CBLN2: variants seen among roughly 807,000 people sequenced by gnomAD.
CBLN2 encodes the protein cerebellin 2 precursor, also known as cerebellin-2.
A neutral mutation model predicts 15.0 loss-of-function variants in CBLN2; 7 were observed. The ratio of observed to expected loss-of-function variants is 0.47; its 90% CI spans 0.27 to 0.88. The LOEUF (loss-of-function observed/expected upper bound fraction) is 0.88, where lower values mean the gene tolerates loss of function less well. CBLN2 is among the 40% of genes least tolerant of loss of function. The pLI, the probability that CBLN2 is intolerant of heterozygous loss-of-function variation, is 0.14. For synonymous variants in CBLN2, 149 were observed against 135.2 expected, an observed-to-expected ratio of 1.10 and a Z score of -0.71; for missense variants, 242 against 304.5, an observed-to-expected ratio of 0.79 and a Z score of 1.53.
rs374661340 is a variant in CBLN2 at position 72,619,339 on chromosome 18, G to A, written c.15+18986C>T. The A allele has an allele frequency of 4.1e-3, 2,190 of 537,370 alleles. 71 individuals are homozygous for A. The highest frequency in any genetic ancestry group is 0.032 in the South Asian group (2,074 of 65,508). 33.3% of individuals were successfully genotyped at this position (537,370 alleles called of 1,614,324 possible). On this transcript the variant is annotated intron_variant, in intron 1 of 2. Transcript: ENST00000581073. ...AGCACAGTGGTGGCAGGGCCTAGCT[G>A]CTACAAAGAAGCCATGTTTTTGACA... is the stretch of plus-strand genomic sequence containing the variant.
chr18:72,569,044 C>A (rs1387676236), intron 1 of CBLN2, among the ~76,000 whole-genome samples: 2 of 152,126 alleles, frequency 1.3e-5, no homozygotes, highest in Non-Finnish European at 2.9e-5. Context: ...CTTGTTAATG[C>A]AGACATTCAT....
intron 1 of CBLN2, among the ~76,000 whole-genome samples, chr18:72,635,807 T>G (rs1197015082): frequency 6.6e-6 from 1 of 152,160 alleles, no homozygotes; most frequent in East Asian, 1.9e-4. Context: ...TATCAAACCA[T>G]ACTTAATTCC....
chr18:72,619,159 A>G (rs1991719), intron 1 of CBLN2: 113,779 of 763,980 alleles, frequency 0.15, 12,825 homozygotes, highest in African/African-American at 0.45. Flanking sequence ...GCCAAACCAC[A>G]AAACCAAGGT....
chr18:72,538,623 C>A (rs201620299), intron 4 of CBLN2, 30 bp downstream of exon 4: 1 of 1,612,492 alleles, frequency 6.2e-7, no homozygotes, highest in Admixed American at 1.7e-5. Context: ...TAACTCAAAC[C>A]TGAAAGGATC....
At chr18:72,548,291 C>T (rs549585254), upstream of CBLN2, among the ~76,000 whole-genome samples, 23 of 152,314 alleles carry the variant, frequency 1.5e-4, no homozygotes, top group African/African-American at 5.3e-4. Flanking sequence ...AAATGTAACT[C>T]AAATATTGCC....
At chr18:72,609,344 A>C (rs1443084905) in intron 1 of CBLN2, among the ~76,000 whole-genome samples, 1 of 152,104 alleles carries the variant, frequency 6.6e-6, no homozygotes, top group Non-Finnish European at 1.5e-5. Context: ...AGGGGTGGTC[A>C]CTAAAGCAAC....
At chr18:72,597,144 C>G (rs1172287289) in intron 1 of CBLN2, among the ~76,000 whole-genome samples, 1 of 152,160 alleles carries the variant, frequency 6.6e-6, no homozygotes, top group Non-Finnish European at 1.5e-5. Flanking sequence ...GTCTTTGCAA[C>G]CTGGGCTTGT....
At chr18:72,559,388 A>C (rs145765392) in intron 1 of CBLN2, among the ~76,000 whole-genome samples, 1 of 152,308 alleles carries the variant, frequency 6.6e-6, no homozygotes, top group South Asian at 2.1e-4. Flanking sequence ...TCCCTAACCT[A>C]TTAGGGGCTT....
At position 72,541,903 on chromosome 18, in the gene CBLN2, C is replaced by A. The variant is rs561880942; in HGVS notation, c.258G>T (p.Val86=). The A allele has an allele frequency of 5.4e-5, 87 of 1,607,972 alleles. 1 individual carries two copies. The South Asian group carries it at 8.8e-4, about 16-fold the overall frequency. Residue 86 remains valine, a synonymous_variant, in exon 3 of 5, where the codon GTG becomes GTT. Transcript: ENST00000269503. ...GAVTSSLGIS[V]RSGSAKVAFS... ...AGGCCACCTTGGCGCTGCCGGAGCG[C>A]ACGGAGATGCCTAGGGAGGAGGTGA...
Position 72,604,547 on chromosome 18 carries a change from G to A in CBLN2, c.15+33778C>T, listed in dbSNP as rs182345826. Reference sequence around the variant, plus strand: ...TGAGTGTTTGTCCTCTCCAAAACTCGTGTTGAAATTTAATACCCAATGTGG... The same window carrying A: ...TGAGTGTTTGTCCTCTCCAAAACTCATGTTGAAATTTAATACCCAATGTGG... On this transcript the variant is annotated intron_variant, in intron 1 of 2. Coordinates refer to the CBLN2 transcript ENST00000581073. 2.7e-3 allele frequency among the ~76,000 whole-genome samples: 415 copies of A among 152,298 alleles called. 3 individuals are homozygous for A. The highest frequency in any genetic ancestry group is 9.3e-3 in the African/African-American group (388 of 41,564).
intron 1 of CBLN2, among the ~76,000 whole-genome samples, chr18:72,611,425 C>T (rs1599022518): frequency 6.6e-6 from 1 of 152,174 alleles, no homozygotes; most frequent in East Asian, 1.9e-4. Context: ...TTTTGACTTT[C>T]AATAATAGCC....
intron 1 of CBLN2, among the ~76,000 whole-genome samples, chr18:72,627,547 A>G (rs762000959): frequency 9.2e-5 from 14 of 152,216 alleles, no homozygotes; most frequent in Non-Finnish European, 1.8e-4. Context: ...CTTGATCGCC[A>G]TAGTTGGTTG....
At chr18:72,584,155 A>G (rs1266462614) in intron 1 of CBLN2, among the ~76,000 whole-genome samples, 2 of 152,106 alleles carry the variant, frequency 1.3e-5, no homozygotes, top group Non-Finnish European at 2.9e-5. Context: ...TCCTGCACAT[A>G]GTCACAGTTG....
intron 1 of CBLN2, among the ~76,000 whole-genome samples, chr18:72,554,618 A>G (rs2069212500): frequency 6.6e-6 from 1 of 152,046 alleles, no homozygotes; most frequent in South Asian, 2.1e-4. Flanking sequence ...TAATTGTTCT[A>G]AATAACACAA....
chr18:72,541,744 C>A, intron 3 of CBLN2, 60 bp downstream of exon 3: 8 of 1,387,658 alleles, frequency 5.8e-6, no homozygotes, highest in East Asian at 2.5e-5. Context: ...CCAGCCCGCG[C>A]GCGCAGGTCC....
intron 1 of CBLN2, among the ~76,000 whole-genome samples, chr18:72,563,264 T>C (rs2069273361): frequency 6.6e-6 from 1 of 152,222 alleles, no homozygotes; most frequent in Admixed American, 6.5e-5. Flanking sequence ...AAATACTAAA[T>C]GGTCAAAGTT....
chr18:72,589,392 T>C (rs1018279532), intron 1 of CBLN2, among the ~76,000 whole-genome samples: 3 of 152,202 alleles, frequency 2.0e-5, no homozygotes. Context: ...AGACACACTG[T>C]ATTTGCAATG....
chr18:72,541,917 G>A lies in CBLN2; in HGVS notation c.244C>T (p.Leu82=), dbSNP rs200894130. 2.9e-5 allele frequency: 47 copies of A among 1,608,496 alleles called. No individual in the cohort carries two copies. In the East Asian group the frequency reaches 1.0e-3, roughly 36 times the overall value. The change falls in exon 3 of 5, where the codon CTA becomes TTA. Residue 82 remains leucine (L), a synonymous_variant. Coordinates refer to ENST00000269503, the MANE Select transcript of CBLN2 (RefSeq NM_182511.4). ...PSADGAVTSS[L]GISVRSGSAK... ...CTGCCGGAGCGCACGGAGATGCCTA[G>A]GGAGGAGGTGACGGCGCCGTCCGCC...
At chr18:72,633,145 C>T (rs1210305770) in intron 1 of CBLN2, among the ~76,000 whole-genome samples, 1 of 152,136 alleles carries the variant, frequency 6.6e-6, no homozygotes, top group African/African-American at 2.4e-5. Context: ...ATTTCATTAT[C>T]ACCTTTTCTC....
Sources: gnomAD v4.1 joint callset for allele counts (sites outside exome capture counted in the v4.1 genomes callset) on GRCh38, gnomAD v4.1.1 for gene constraint, MANE v1.5 for transcripts, NCBI Gene and HGNC (gene_info 2026-07-23, HGNC 2026-07-21) for gene names.